Variants in NTM observed in about 807,000 individuals in gnomAD.
NTM encodes neurotrimin.
In NTM, 13 loss-of-function variants were observed where a neutral mutation model predicts 42.1. The ratio of observed to expected loss-of-function variants is 0.31; its 90% CI spans 0.20 to 0.49. The LOEUF (loss-of-function observed/expected upper bound fraction) is 0.49, where lower values mean the gene tolerates loss of function less well. Among genes scored for constraint, NTM ranks in the 20% least tolerant of loss-of-function variants. NTM has a pLI of 0.99. For missense variants in NTM, 373 were observed against 452.8 expected, an observed-to-expected ratio of 0.82 and a Z score of 1.60; for synonymous variants, 187 against 179.2, an observed-to-expected ratio of 1.04 and a Z score of -0.35.
intron 1 of NTM, among the ~76,000 whole-genome samples, chr11:131,492,760 G>A (rs1000000568): frequency 1.3e-5 from 2 of 152,318 alleles, no homozygotes. Flanking sequence ...GGGGCTTTGA[G>A]TACCATGATG....
chr11:131,991,734 G>T (rs1565899103), intron 2 of NTM, among the ~76,000 whole-genome samples: 1 of 152,128 alleles, frequency 6.6e-6, no homozygotes, highest in Non-Finnish European at 1.5e-5. Context: ...GGATGATAAG[G>T]CTAATTACCC....
intron 4 of NTM, among the ~76,000 whole-genome samples, chr11:132,275,038 G>A (rs556164977): frequency 6.6e-5 from 10 of 151,990 alleles, no homozygotes; most frequent in Non-Finnish European, 1.5e-5. Flanking sequence ...CATTTTTTGG[G>A]TTACATTTTC....
chr11:131,792,449 G>A (rs765974282), intron 1 of NTM, among the ~76,000 whole-genome samples: 20 of 152,096 alleles, frequency 1.3e-4, no homozygotes, highest in African/African-American at 2.2e-4. Flanking sequence ...CAGCCAAGCC[G>A]GGTTGGATTT....
intron 2 of NTM, among the ~76,000 whole-genome samples, chr11:131,959,066 G>A (rs771150453): frequency 1.3e-5 from 2 of 152,154 alleles, no homozygotes. Flanking sequence ...CTCCATGTTC[G>A]TGTCAGTGCT....
intron 4 of NTM, among the ~76,000 whole-genome samples, chr11:132,263,494 A>T (rs1760339084): frequency 2.6e-5 from 4 of 152,212 alleles, no homozygotes; most frequent in Admixed American, 2.6e-4. Flanking sequence ...TTATCAAGCA[A>T]TGAGTCTGCC....
intron 1 of NTM, among the ~76,000 whole-genome samples, chr11:131,532,259 G>A (rs900957618): frequency 6.6e-6 from 1 of 151,990 alleles, no homozygotes; most frequent in South Asian, 2.1e-4. Flanking sequence ...TCCAGCTCCT[G>A]GTAACTTTCT....
Position 132,002,965 on chromosome 11 carries a change from T to C in NTM, c.167+91317T>C, listed in dbSNP as rs1358106874. Among the ~76,000 whole-genome samples the C allele has an allele frequency of 6.6e-6, 1 of 151,664 alleles. No individual in the cohort carries two copies. The highest frequency in any genetic ancestry group is 2.4e-5 in the African/African-American group (1 of 40,952). On this transcript the variant is annotated intron_variant, in intron 2 of 8. Coordinates refer to ENST00000683400, the MANE Select transcript of NTM (RefSeq NM_001352005.2). This position sits in a 1 kb window ranked among gnomAD's most constrained non-coding sequence, Gnocchi z 4.5. ...GAGGAAACAGGAAAAACCTTTGTCT[T>C]CAAGAAGCTTTTACTGTCCGCCTGT...
intron 1 of NTM, among the ~76,000 whole-genome samples, chr11:131,521,383 CTTTTTTTTTTTTTTT>C (rs773233050): frequency 1.2e-3 from 56 of 45,746 alleles, no homozygotes; most frequent in Admixed American, 3.8e-3. Flanking sequence ...AGGTGCCAGT[CTTTTTTTTTTTTTTT>C]TTTTTTTTTT....
chr11:131,758,581 TTTTCTTTC>T (rs565739633), intron 1 of NTM, among the ~76,000 whole-genome samples: 5 of 151,962 alleles, frequency 3.3e-5, no homozygotes, highest in Non-Finnish European at 7.4e-5. Flanking sequence ...TCCTTCCTTT[TTTTCTTTC>T]TTTCTTTCTT....
At chr11:131,848,663 G>A (rs2045199520) in intron 1 of NTM, among the ~76,000 whole-genome samples, 1 of 152,156 alleles carries the variant, frequency 6.6e-6, no homozygotes, top group African/African-American at 2.4e-5. Context: ...CATTTAGATA[G>A]TCTTTATGTT....
At chr11:132,195,604 C>T (rs1016197543) in intron 3 of NTM, among the ~76,000 whole-genome samples, 10 of 152,086 alleles carry the variant, frequency 6.6e-5, no homozygotes, top group Non-Finnish European at 1.5e-4. Flanking sequence ...GTTACAAAAA[C>T]AGACACGTAG....
chr11:131,550,141 G>A (rs1035252982), intron 1 of NTM, among the ~76,000 whole-genome samples: 2 of 152,212 alleles, frequency 1.3e-5, no homozygotes, highest in African/African-American at 2.4e-5. Context: ...AATAGATAAC[G>A]ACATTAAATG....
chr11:131,489,439 A>G (rs976397963), intron 1 of NTM, among the ~76,000 whole-genome samples: 9 of 152,248 alleles, frequency 5.9e-5, no homozygotes, highest in African/African-American at 1.7e-4. Context: ...TCCATGCCCT[A>G]GCATAATTCT....
chr11:131,505,045 A>G lies in NTM; in HGVS notation c.82+134157A>G, dbSNP rs560272697. ...ACCACAGTGGGGTATACTGCAGGGG[A>G]AAGAGGTGTGGTCTCAGAGTCATGA... On this transcript the variant is annotated intron_variant, in intron 1 of 8. Coordinates refer to ENST00000683400, the MANE Select transcript of NTM (RefSeq NM_001352005.2). Among the ~76,000 whole-genome samples, 5 of 152,218 alleles carry G rather than the reference A, an allele frequency of 3.3e-5. No individual in the cohort carries two copies. In the South Asian group the frequency reaches 1.0e-3, roughly 32 times the overall value.
intron 1 of NTM, among the ~76,000 whole-genome samples, chr11:131,577,311 G>A (rs1432146789): frequency 1.3e-5 from 2 of 152,196 alleles, no homozygotes; most frequent in East Asian, 1.9e-4. Context: ...ATTCTTTGGG[G>A]CATTTAGATG....
At chr11:131,760,146 A>T (rs2083913281) in intron 1 of NTM, among the ~76,000 whole-genome samples, 1 of 152,218 alleles carries the variant, frequency 6.6e-6, no homozygotes, top group Non-Finnish European at 1.5e-5. Flanking sequence ...GGAATTCAGC[A>T]AGGAGTTATG....
intron 2 of NTM, among the ~76,000 whole-genome samples, chr11:132,127,857 T>C (rs553355512): frequency 6.6e-6 from 1 of 152,332 alleles, no homozygotes; most frequent in Admixed American, 6.5e-5. Context: ...GCAGACTTAG[T>C]AGTGTCTAAC....
chr11:131,869,216 G>A lies in NTM; in HGVS notation c.83-42348G>A, dbSNP rs371455631. On this transcript the variant is annotated intron_variant, in intron 1 of 8. Coordinates refer to ENST00000683400, the MANE Select transcript of NTM (RefSeq NM_001352005.2). ...CTAGCGTCAGGCAAGTTTATCTCCC[G>A]GGCCCTCTCCCTTCCTTGATGACTG... Among the ~76,000 whole-genome samples the A allele has an allele frequency of 8.6e-5, 13 of 152,022 alleles. 2 individuals are homozygous for A. Among genetic ancestry groups the A allele is most frequent in the African/African-American group, 2.7e-4 (11 of 41,454 alleles).
At position 132,327,528 on chromosome 11, in the gene NTM, AAAAG is replaced by A. The variant is rs1458794803; in HGVS notation, c.935-2617_935-2614del. 2.6e-5 allele frequency among the ~76,000 whole-genome samples: 4 copies of A among 152,340 alleles called. No homozygotes were observed. The East Asian group carries it at 5.8e-4, about 22-fold the overall frequency. Reference sequence around the variant, plus strand: ...TGTGTGTCTAGATAACAGAAAGCACAAAAGAAAGAAAATTCCCTCACCCTCTTGC... The same window carrying A: ...TGTGTGTCTAGATAACAGAAAGCACAAAAGAAAATTCCCTCACCCTCTTGC... On this transcript the variant is annotated intron_variant, in intron 7 of 8. Transcript: ENST00000683400.
Sources: gnomAD v4.1 joint callset for allele counts (sites outside exome capture counted in the v4.1 genomes callset) on GRCh38, gnomAD v4.1.1 for gene constraint, Gnocchi (gnomAD v3.1) non-coding constraint, MANE v1.5 for transcripts, NCBI Gene and HGNC (gene_info 2026-07-23, HGNC 2026-07-21) for gene names.